DYNLT2: variants seen among roughly 807,000 people sequenced by gnomAD.
DYNLT2 encodes the protein dynein light chain Tctex-type protein 2.
In DYNLT2, 24 loss-of-function variants were observed where a neutral mutation model predicts 24.3. That is an observed-to-expected ratio of 0.99 (90% CI 0.71 to 1.39). The LOEUF is 1.39. DYNLT2 is among the 40% of genes most tolerant of loss of function. The pLI is 0.00. For missense variants in DYNLT2, 246 were observed against 234.5 expected (o/e 1.05, Z -0.32); for synonymous variants, 85 against 85.4 (o/e 1.00, Z 0.03).
At chr6:169,741,322 A>G (rs1789674213) in intron 3 of DYNLT2, among the ~76,000 whole-genome samples, 1 of 152,090 alleles carries the variant, frequency 6.6e-6, no homozygotes, top group Non-Finnish European at 1.5e-5. Flanking sequence ...CACTCAACCT[A>G]TTGGAGGATG....
chr6:169,750,753 T>C (rs919496029), intron 1 of DYNLT2: 1 of 152,222 alleles, frequency 6.6e-6, no homozygotes, highest in Non-Finnish European at 1.5e-5. Flanking sequence ...CATATAGAAA[T>C]ACCTGTTATA....
At chr6:169,729,819 C>T in the DYNLT2 span, among the ~76,000 whole-genome samples, 2 of 151,756 alleles carry the variant, frequency 1.3e-5, no homozygotes, top group African/African-American at 2.4e-5. Context: ...AAGGAAAGAC[C>T]AGGTAAGGAC....
chr6:169,731,900 ATAT>A, the DYNLT2 span, among the ~76,000 whole-genome samples: 2 of 152,056 alleles, frequency 1.3e-5, no homozygotes, highest in African/African-American at 2.4e-5. Context: ...GCTTGATTAC[ATAT>A]TATTTACTTT....
intron 3 of DYNLT2, among the ~76,000 whole-genome samples, chr6:169,742,701 TG>T (rs971693096): frequency 8.0e-4 from 121 of 152,198 alleles, no homozygotes; most frequent in African/African-American, 2.7e-3. Flanking sequence ...CAGTCTCAAG[TG>T]AGTCTCCTGC....
At chr6:169,751,019 T>A (rs1790015021) in intron 1 of DYNLT2, 2 of 265,874 alleles carry the variant, frequency 7.5e-6, no homozygotes, top group Non-Finnish European at 1.4e-5. Context: ...TACAAAGCAA[T>A]AATACTCAGA....
chr6:169,740,339 T>C, intron 3 of DYNLT2, 44 bp from the exon 4 acceptor site: 1 of 1,154,744 alleles, frequency 8.7e-7, no homozygotes, highest in Non-Finnish European at 1.3e-6. Flanking sequence ...ATTGAACATA[T>C]TAAGAAGTAA....
At chr6:169,740,534 T>C (rs1328630678) in intron 3 of DYNLT2, among the ~76,000 whole-genome samples, 1 of 152,158 alleles carries the variant, frequency 6.6e-6, no homozygotes, top group Non-Finnish European at 1.5e-5. Context: ...CTTAGCTGTG[T>C]TTCCAGGGCC....
At chr6:169,725,138 G>GT in the DYNLT2 span, 1 of 398,600 alleles carries the variant, frequency 2.5e-6, no homozygotes, top group South Asian at 1.3e-4. Context: ...CAGGGCACTT[G>GT]TAGGACCGCA....
At chr6:169,745,888 A>T (rs144390027) in intron 1 of DYNLT2, among the ~76,000 whole-genome samples, 1,648 of 152,314 alleles carry the variant, frequency 0.011, 15 homozygotes, top group African/African-American at 0.023. Context: ...TTCACCAAGG[A>T]AATCACCTGA....
chr6:169,726,065 A>G, the DYNLT2 span, among the ~76,000 whole-genome samples: 3 of 152,208 alleles, frequency 2.0e-5, no homozygotes, highest in African/African-American at 4.8e-5. Context: ...TGCAATGCCC[A>G]CTTTCAAATA....
Position 169,751,340 on chromosome 6 carries a change from G to A in DYNLT2, c.119C>T (p.Ala40Val). The part of the protein sequence containing the change: ...ERRPSMFEKE[A>V]YTQILRERLR... ...GCCCCTAGCAGTCTCCGCACTCACTGCCTCCTTCTCGAACATGCTAGGCCT... is the reference window on the plus strand; with the variant it reads ...GCCCCTAGCAGTCTCCGCACTCACTACCTCCTTCTCGAACATGCTAGGCCT... The change falls in exon 1 of 4, where the codon GCA becomes GTA. Residue 40 changes from alanine (A) to valine (V), a missense_variant and splice_region_variant. Physicochemically the swap from Ala to Val is moderately conservative, Grantham distance 64. Transcript: ENST00000366774. The A allele has an allele frequency of 6.2e-7, 1 of 1,613,702 alleles. No homozygotes were observed. The highest frequency in any genetic ancestry group is 8.5e-7 in the Non-Finnish European group (1 of 1,179,874).
At chr6:169,733,689 C>G in the DYNLT2 span, among the ~76,000 whole-genome samples, 3 of 152,252 alleles carry the variant, frequency 2.0e-5, no homozygotes, top group African/African-American at 7.2e-5. Flanking sequence ...GTTACTGTAG[C>G]CTTGTAGTAT....
chr6:169,744,039 A>C, intron 2 of DYNLT2, 29 bp downstream of exon 2: 1 of 1,592,550 alleles, frequency 6.3e-7, no homozygotes, highest in South Asian at 1.1e-5. Context: ...CTCATACAAT[A>C]CTGCTATCAT....
chr6:169,746,060 A>G (rs1789791434), intron 1 of DYNLT2, among the ~76,000 whole-genome samples: 1 of 152,178 alleles, frequency 6.6e-6, no homozygotes, highest in Admixed American at 6.5e-5. Context: ...TGGGCACAGA[A>G]TTGTTCATAA....
chr6:169,725,964 C>G, the DYNLT2 span: 1 of 152,270 alleles, frequency 6.6e-6, no homozygotes, highest in Admixed American at 6.5e-5. Flanking sequence ...AAACAACTTA[C>G]GTAATCCTCC....
At chr6:169,742,001 T>C (rs1460319942) in intron 3 of DYNLT2, among the ~76,000 whole-genome samples, 1 of 152,188 alleles carries the variant, frequency 6.6e-6, no homozygotes, top group Non-Finnish European at 1.5e-5. Flanking sequence ...TGCTTCATCA[T>C]GCAGTCCACT....
downstream of DYNLT2, among the ~76,000 whole-genome samples, chr6:169,736,140 T>C (rs2128334595): frequency 1.6e-5 from 2 of 122,352 alleles, no homozygotes; most frequent in Middle Eastern, 3.8e-3. Context: ...GTTTTTTTGT[T>C]TGTTTTTTTT....
intron 3 of DYNLT2, among the ~76,000 whole-genome samples, chr6:169,741,310 C>T (rs1789673988): frequency 6.6e-6 from 1 of 152,174 alleles, no homozygotes; most frequent in Non-Finnish European, 1.5e-5. Flanking sequence ...GTTATGAAAG[C>T]CCACTCAACC....
At chr6:169,730,666 G>A in the DYNLT2 span, among the ~76,000 whole-genome samples, 77 of 152,234 alleles carry the variant, frequency 5.1e-4, 1 homozygote, top group East Asian at 0.014. Flanking sequence ...AGGCCGAGGC[G>A]GGCGGATGGA....
Sources: gnomAD v4.1 joint callset for allele counts (sites outside exome capture counted in the v4.1 genomes callset) on GRCh38, gnomAD v4.1.1 for gene constraint, MANE v1.5 for transcripts, NCBI Gene and HGNC (gene_info 2026-07-23, HGNC 2026-07-21) for gene names.